UNC13B: variants seen among roughly 807,000 people sequenced by gnomAD.
The protein encoded by UNC13B is unc-13 homolog B, also known as protein unc-13 homolog B.
Under a neutral mutation model 211.0 loss-of-function variants are expected in UNC13B, and 144 were observed. That is an observed-to-expected ratio of 0.68 (90% CI 0.60 to 0.78). The LOEUF (loss-of-function observed/expected upper bound fraction) is 0.78, where lower values mean the gene tolerates loss of function less well. UNC13B is among the 30% of genes least tolerant of loss of function. The probability of loss-of-function intolerance (pLI) is 0.00; values close to 1 mark genes in which losing one functional copy is unlikely to be tolerated. For missense variants in UNC13B, 1,777 were observed against 2,002.0 expected, an observed-to-expected ratio of 0.89 and a Z score of 2.14; for synonymous variants, 709 against 725.8, an observed-to-expected ratio of 0.98 and a Z score of 0.37.
At chr9:35,242,865 G>A (rs1451025356) in intron 5 of UNC13B, among the ~76,000 whole-genome samples, 5 of 152,084 alleles carry the variant, frequency 3.3e-5, no homozygotes, top group Non-Finnish European at 7.4e-5. Context: ...GAAAACCTTT[G>A]AATTTTGAGC....
intron 7 of UNC13B, among the ~76,000 whole-genome samples, chr9:35,293,268 TCTGTTTAGCCTAGCAA>T (rs1271911060): frequency 6.6e-6 from 1 of 152,250 alleles, no homozygotes; most frequent in African/African-American, 2.4e-5. Context: ...GTAGAGTATC[TCTGTTTAGCCTAGCAA>T]AATAAACAAA....
At chr9:35,398,168 G>A (rs1415337073) in intron 30 of UNC13B, 43 bp from the exon 31 acceptor site, 1 of 1,592,156 alleles carries the variant, frequency 6.3e-7, no homozygotes, top group Non-Finnish European at 8.6e-7. Context: ...TGGGTCCTAT[G>A]CTGAAAGGAG....
Position 35,162,304 on chromosome 9 carries a change from C to T in UNC13B, c.21C>T (p.Arg7=), listed in dbSNP as rs750929931. 4.5e-6 allele frequency: 7 copies of T among 1,543,380 alleles called. No individual in the cohort carries two copies. The highest frequency in any genetic ancestry group is 6.1e-6 in the Non-Finnish European group (7 of 1,149,440). Residue 7 remains arginine (R), a splice_region_variant and synonymous_variant, in exon 1 of 40, where the codon CGC becomes CGT. Coordinates refer to ENST00000635942, the MANE Select transcript of UNC13B (RefSeq NM_001371189.2). ...CGGCCATGTCACTGCTCTGCGTGCG[C>T]GGTGAGTGCGCGGACTGAGGCGGGG... MSLLCV[R]VKRAKFQGSP... is the part of the protein sequence containing the mutation.
At chr9:35,191,605 T>C (rs1222507970) in intron 1 of UNC13B, among the ~76,000 whole-genome samples, 1 of 152,242 alleles carries the variant, frequency 6.6e-6, no homozygotes, top group African/African-American at 2.4e-5. Context: ...GTATTTAAGA[T>C]ATTTTGTAAA....
At chr9:35,326,041 A>C (rs182241076) in intron 11 of UNC13B, among the ~76,000 whole-genome samples, 32 of 152,334 alleles carry the variant, frequency 2.1e-4, no homozygotes, top group Admixed American at 1.6e-3. Context: ...CATTTTGAGA[A>C]ACCGCCAGAC....
At chr9:35,194,840 T>C (rs1822849701) in intron 1 of UNC13B, among the ~76,000 whole-genome samples, 1 of 152,030 alleles carries the variant, frequency 6.6e-6, no homozygotes, top group Non-Finnish European at 1.5e-5. Flanking sequence ...CACGGACACA[T>C]ACGAGGAGTT....
chr9:35,295,489 A>G (rs898167715), intron 7 of UNC13B, among the ~76,000 whole-genome samples: 2 of 152,164 alleles, frequency 1.3e-5, no homozygotes, highest in African/African-American at 4.8e-5. Flanking sequence ...AACTAAGTAT[A>G]TATCTCATAT....
At chr9:35,221,362 G>A (rs1824555735) in intron 1 of UNC13B, among the ~76,000 whole-genome samples, 2 of 152,292 alleles carry the variant, frequency 1.3e-5, no homozygotes, top group South Asian at 4.1e-4. Flanking sequence ...GAGCCACCAT[G>A]CCCGGCCTGT....
In UNC13B at chr9:35,310,751, A is replaced by G. The variant is rs1830145128; in HGVS notation, c.9293A>G (p.Gln3098Arg). The change falls in exon 10 of 40, where the codon CAA (glutamine) becomes CGA (arginine). Residue 3098 changes from glutamine (Q) to arginine (R), a missense_variant. Transcript: ENST00000635942. The part of the protein sequence containing the change: ...TTHPPPDLVL[Q>R]KDHFLGPQES... ...CACCCTCCCCCAGATCTGGTGCTGC[A>G]AAAAGACCACTTCCTAGGTCCCCAG... 6.2e-7 allele frequency: 1 copy of G among 1,613,840 alleles called. No homozygotes were observed. The highest frequency in any genetic ancestry group is 8.5e-7 in the Non-Finnish European group (1 of 1,179,916).
intron 7 of UNC13B, among the ~76,000 whole-genome samples, chr9:35,270,923 G>C (rs892724990): frequency 6.6e-6 from 1 of 152,002 alleles, no homozygotes; most frequent in African/African-American, 2.4e-5. Context: ...GGTGGATCAC[G>C]AGGTCAGGAG....
At chr9:35,241,126 T>A (rs1825784542) in intron 5 of UNC13B, among the ~76,000 whole-genome samples, 1 of 151,872 alleles carries the variant, frequency 6.6e-6, no homozygotes. Context: ...GGTGGGCATG[T>A]CACTAAGTAT....
At chr9:35,279,252 A>G (rs1828349870) in intron 7 of UNC13B, among the ~76,000 whole-genome samples, 1 of 152,156 alleles carries the variant, frequency 6.6e-6, no homozygotes, top group East Asian at 1.9e-4. Context: ...GTCTCTATGG[A>G]TTTACCCATT....
At chr9:35,384,692 C>A (rs1835075828) in intron 22 of UNC13B, 6 of 985,254 alleles carry the variant, frequency 6.1e-6, no homozygotes, top group Non-Finnish European at 7.2e-6. Flanking sequence ...TCCTCGTTTT[C>A]CAGCGGAGGT....
intron 11 of UNC13B, among the ~76,000 whole-genome samples, chr9:35,324,821 T>C (rs10814226): frequency 0.23 from 34,789 of 152,108 alleles, 4,262 homozygotes; most frequent in Non-Finnish European, 0.28. Context: ...TTTTGAAATA[T>C]CATTTATTAT....
At chr9:35,290,700 TTTTTCTTA>T (rs1829054351) in intron 7 of UNC13B, among the ~76,000 whole-genome samples, 1 of 151,718 alleles carries the variant, frequency 6.6e-6, no homozygotes, top group Non-Finnish European at 1.5e-5. Flanking sequence ...AGAGATCTAA[TTTTTCTTA>T]TTTTGACAAA....
chr9:35,375,694 A>G (rs1207217932), intron 14 of UNC13B, among the ~76,000 whole-genome samples: 5 of 152,214 alleles, frequency 3.3e-5, no homozygotes, highest in Non-Finnish European at 5.9e-5. Flanking sequence ...CCCAAAAGTC[A>G]TGGGGACCAG....
chr9:35,340,736 C>T (rs946871408), intron 11 of UNC13B, among the ~76,000 whole-genome samples: 9 of 152,200 alleles, frequency 5.9e-5, no homozygotes, highest in Non-Finnish European at 1.3e-4. Context: ...AATGACTTCA[C>T]TGGATTGTTA....
chr9:35,380,482 C>T lies in UNC13B; in HGVS notation c.10218C>T (p.Asn3406=). 1 of 1,614,058 alleles carries T rather than the reference C, an allele frequency of 6.2e-7. No individual in the cohort carries two copies. Among genetic ancestry groups the T allele is most frequent in the South Asian group, 1.1e-5 (1 of 91,022 alleles). The change falls in exon 18 of 40, where the codon AAC becomes AAT. Residue 3406 remains asparagine (N), a synonymous_variant. Coordinates refer to ENST00000635942, the MANE Select transcript of UNC13B (RefSeq NM_001371189.2). ...AATTCTCTCACAGTGAGTGCCACAA[C>T]TCCTCTGACCGCATTAAGGTGCGTG... ...WEEKFHFECH[N]SSDRIKVRVW... is the part of the protein sequence containing the mutation.
At chr9:35,346,927 AT>A (rs879296820) in intron 11 of UNC13B, among the ~76,000 whole-genome samples, 614 of 138,682 alleles carry the variant, frequency 4.4e-3, no homozygotes, top group Middle Eastern at 0.019. Flanking sequence ...TTTCTTTTTC[AT>A]TTTTTTTTTT....
Sources: gnomAD v4.1 joint callset for allele counts (sites outside exome capture counted in the v4.1 genomes callset) on GRCh38, gnomAD v4.1.1 for gene constraint, MANE v1.5 for transcripts, NCBI Gene and HGNC (gene_info 2026-07-23, HGNC 2026-07-21) for gene names.